Variants in SPAG1 observed in about 807,000 individuals in gnomAD.
The protein encoded by SPAG1 is sperm associated antigen 1.
In SPAG1, 69 loss-of-function variants were observed where a neutral mutation model predicts 100.5. The ratio of observed to expected loss-of-function variants is 0.69; its 90% CI spans 0.57 to 0.84. The LOEUF (loss-of-function observed/expected upper bound fraction) is 0.84. Among genes scored for constraint, SPAG1 ranks in the 40% least tolerant of loss-of-function variants. The pLI, the probability that SPAG1 is intolerant of heterozygous loss-of-function variation, is 0.00. For missense variants in SPAG1, 955 were observed against 1,133.1 expected (o/e 0.84, Z 2.26); for synonymous variants, 336 against 411.6 (o/e 0.82, Z 2.22).
At chr8:100,158,733 G>A (rs915419154) in intron 1 of SPAG1, 117 bp downstream of exon 1, 1 of 152,200 alleles carries the variant, frequency 6.6e-6, no homozygotes, top group Non-Finnish European at 1.5e-5. Context: ...GCAAACAGAG[G>A]TGGAAGAGTT....
intron 10 of SPAG1, among the ~76,000 whole-genome samples, chr8:100,206,017 C>CAAAAAAAAAAAAAAAAA (rs574907013): frequency 3.9e-5 from 3 of 77,350 alleles, no homozygotes; most frequent in South Asian, 4.9e-4. Context: ...GACTCTGTCT[C>CAAAAAAAAAAAAAAAAA]AAAAAAAAAA....
rs75006351 is a variant in SPAG1 at position 100,174,202 on chromosome 8, G to T, written c.301-3614G>T. On this transcript the variant is annotated intron_variant, in intron 3 of 18. Transcript: ENST00000388798. ...TGACTGAAAGCCTTACCAATAACAT[G>T]AACAGTTGATTGACATATATTTTGT... 9.7e-3 allele frequency among the ~76,000 whole-genome samples: 1,472 copies of T among 152,122 alleles called. 27 individuals carry two copies. Among genetic ancestry groups the T allele is most frequent in the African/African-American group, 0.034 (1,417 of 41,452 alleles).
chr8:100,231,193 TC>T lies in SPAG1; in HGVS notation c.1894del (p.Gln632AsnfsTer3). 6.2e-7 allele frequency: 1 copy of T among 1,608,094 alleles called. No individual in the cohort carries two copies. Among genetic ancestry groups the T allele is most frequent in the Non-Finnish European group, 8.5e-7 (1 of 1,176,422 alleles). ...TTAAAGCCCTTAAGGAAGAAGGAAA[TC>T]AATGTGTAAATGACAAAAACTATAA... ...TFKALKEEGN[Q>X]CVNDKNYKDA... On this transcript the variant is annotated frameshift_variant, in exon 15 of 19. Coordinates refer to ENST00000388798, the MANE Select transcript of SPAG1 (RefSeq NM_003114.5). LOFTEE classifies it high-confidence loss of function.
intron 15 of SPAG1, among the ~76,000 whole-genome samples, chr8:100,231,726 G>A (rs542098148): frequency 8.5e-5 from 13 of 152,334 alleles, no homozygotes; most frequent in East Asian, 1.9e-4. Context: ...TTGGGAGGCC[G>A]AGGCGGGTGG....
intron 4 of SPAG1, among the ~76,000 whole-genome samples, chr8:100,180,154 C>T (rs1329478368): frequency 1.3e-5 from 2 of 152,006 alleles, no homozygotes; most frequent in Non-Finnish European, 2.9e-5. Flanking sequence ...ATAGCGAGAC[C>T]CCATCTCTAC....
intron 6 of SPAG1, 83 bp from the exon 7 acceptor site, chr8:100,184,545 T>C (rs945401744): frequency 9.4e-6 from 6 of 641,110 alleles, no homozygotes; most frequent in Non-Finnish European, 1.5e-5. Context: ...TCTGCTTCTG[T>C]TAAAATAAGC....
intron 7 of SPAG1, among the ~76,000 whole-genome samples, chr8:100,186,039 CT>C (rs1816570693): frequency 7.0e-6 from 1 of 142,552 alleles, no homozygotes; most frequent in Non-Finnish European, 1.5e-5. Context: ...CAGACTACCA[CT>C]TTCTGACCTT....
intron 8 of SPAG1, 28 bp from the exon 9 acceptor site, chr8:100,191,361 AC>A: frequency 6.7e-7 from 1 of 1,493,054 alleles, no homozygotes; most frequent in Non-Finnish European, 9.3e-7. Context: ...ATATTAAAAA[AC>A]ATAACTTTTA....
Position 100,225,327 on chromosome 8 carries a change from C to T in SPAG1, c.1843C>T (p.Gln615Ter), listed in dbSNP as rs1422883770. The change falls in exon 14 of 19, where the codon CAG (glutamine) becomes TAG (stop). Residue 615 changes from glutamine to a stop codon, truncating the protein, a stop_gained. Coordinates refer to ENST00000388798, the MANE Select transcript of SPAG1 (RefSeq NM_003114.5). LOFTEE classifies it high-confidence loss of function. ...AGGAGACTCCAGCAGCCATCGCCAG[C>T]AGGGCATCACAGGTGGGGGATGCCT... Reference protein sequence around the residue: ...QAGDSSSHRQQGITDEKTFKA... With the variant: ...QAGDSSSHRQ 1.2e-6 allele frequency: 2 copies of T among 1,613,492 alleles called. No homozygotes were observed. The highest frequency in any genetic ancestry group is 1.7e-6 in the Non-Finnish European group (2 of 1,179,926).
intron 10 of SPAG1, among the ~76,000 whole-genome samples, chr8:100,207,719 C>T (rs879926903): frequency 5.3e-5 from 8 of 152,164 alleles, no homozygotes; most frequent in South Asian, 4.1e-4. Context: ...ATGCCTTATC[C>T]GCCATCATGT....
chr8:100,178,965 T>A (rs1034375856), intron 4 of SPAG1, among the ~76,000 whole-genome samples: 2 of 149,780 alleles, frequency 1.3e-5, no homozygotes, highest in Non-Finnish European at 3.0e-5. Context: ...CATAGTGGCA[T>A]GTGCCTGTAA....
chr8:100,214,042 AT>A (rs1817862157), intron 12 of SPAG1, 124 bp downstream of exon 12: 1 of 557,646 alleles, frequency 1.8e-6, no homozygotes, highest in Non-Finnish European at 3.3e-6. Context: ...TGGTATGTTA[AT>A]TGATTGATGC....
chr8:100,178,240 G>A lies in SPAG1; in HGVS notation c.426+299G>A, dbSNP rs530250465. Reference sequence around the variant, plus strand: ...CCTGTCTCTTCCGTCCAGTTTTGATGAGAGCAAAAGGTCTGATTCAGTGTG... The same window carrying A: ...CCTGTCTCTTCCGTCCAGTTTTGATAAGAGCAAAAGGTCTGATTCAGTGTG... On this transcript the variant is annotated intron_variant, in intron 4 of 18. Coordinates refer to ENST00000388798, the MANE Select transcript of SPAG1 (RefSeq NM_003114.5). 6.6e-5 allele frequency among the ~76,000 whole-genome samples: 10 copies of A among 151,354 alleles called. No individual in the cohort carries two copies. In the East Asian group the frequency reaches 1.7e-3, roughly 26 times the overall value.
intron 10 of SPAG1, 115 bp from the exon 11 acceptor site, chr8:100,212,975 G>GCCGGCTTCCCTAGAGC (rs1817783676): frequency 2.4e-6 from 2 of 826,498 alleles, no homozygotes; most frequent in African/African-American, 1.9e-5. Context: ...CGGTGCCCGA[G>GCCGGCTTCCCTAGAGC]CCGGCTTCCC....
chr8:100,230,188 A>G (rs1387458893), intron 14 of SPAG1, among the ~76,000 whole-genome samples: 1 of 152,218 alleles, frequency 6.6e-6, no homozygotes, highest in African/African-American at 2.4e-5. Context: ...GGAGCACAGA[A>G]TGAAAGAGAT....
chr8:100,213,356 C>T lies in SPAG1; in HGVS notation c.1363C>T (p.Leu455=). ...CGGCCTGAAGAGCCAGGGCAACGAG[C>T]TGTTCCGAAGCGGGCAGTTCGCCGA... is the stretch of plus-strand genomic sequence containing the variant. ...PAGLKSQGNE[L]FRSGQFAEAA... is the part of the protein sequence containing the mutation. Residue 455 remains leucine, a synonymous_variant, in exon 11 of 19, where the codon CTG becomes TTG. Transcript: ENST00000388798. 1 of 1,426,616 alleles carries T rather than the reference C, an allele frequency of 7.0e-7. No individual in the cohort carries two copies. The highest frequency in any genetic ancestry group is 9.2e-7 in the Non-Finnish European group (1 of 1,085,934). 88.4% of individuals were successfully genotyped at this position (1,426,616 alleles called of 1,614,324 possible).
intron 3 of SPAG1, among the ~76,000 whole-genome samples, chr8:100,168,685 A>ATTTTTTTTTTTTTTTTTT (rs1815675727): frequency 3.6e-5 from 2 of 55,392 alleles, no homozygotes; most frequent in African/African-American, 8.9e-5. Context: ...ATGCCCAGCC[A>ATTTTTTTTTTTTTTTTTT]TCTTTTTTTT....
chr8:100,228,736 TAATA>T (rs1818630374), intron 14 of SPAG1, among the ~76,000 whole-genome samples: 1 of 151,924 alleles, frequency 6.6e-6, no homozygotes, highest in South Asian at 2.1e-4. Context: ...AATAATAAAA[TAATA>T]AATTTATCTA....
chr8:100,229,398 C>T (rs755988109), intron 14 of SPAG1, among the ~76,000 whole-genome samples: 2 of 151,970 alleles, frequency 1.3e-5, no homozygotes, highest in Non-Finnish European at 2.9e-5. Context: ...CACTCCAGCC[C>T]GGGCGACAGA....
Sources: gnomAD v4.1 joint callset for allele counts (sites outside exome capture counted in the v4.1 genomes callset) on GRCh38, gnomAD v4.1.1 for gene constraint, MANE v1.5 for transcripts, NCBI Gene and HGNC (gene_info 2026-07-23, HGNC 2026-07-21) for gene names.